DLGAP2: variants seen among roughly 807,000 people sequenced by gnomAD.
DLGAP2 encodes the protein disks large-associated protein 2.
In DLGAP2, 26 loss-of-function variants were observed where a neutral mutation model predicts 100.3. The ratio of observed to expected loss-of-function variants is 0.26; its 90% CI spans 0.19 to 0.36. DLGAP2 has a LOEUF of 0.36. Ranked by LOEUF, DLGAP2 falls within the 10% of genes least tolerant of loss-of-function variation. DLGAP2 has a pLI of 1.00. For synonymous variants in DLGAP2, 886 were observed against 630.1 expected (o/e 1.41, Z -6.08); for missense variants, 1,858 against 1,453.2 (o/e 1.28, Z -4.53).
chr8:784,634 G>A (rs758644103), intron 1 of DLGAP2, among the ~76,000 whole-genome samples: 6 of 152,308 alleles, frequency 3.9e-5, no homozygotes, highest in Non-Finnish European at 5.9e-5. Context: ...AATGTCAAAT[G>A]TACCCTATCA....
intron 1 of DLGAP2, among the ~76,000 whole-genome samples, chr8:813,305 G>GTT (rs1796405726): frequency 6.6e-6 from 1 of 151,814 alleles, no homozygotes. Flanking sequence ...GGGATTGTTA[G>GTT]TTACAGTATT....
chr8:1,525,351 T>C (rs1440412226), intron 4 of DLGAP2, among the ~76,000 whole-genome samples: 2 of 152,198 alleles, frequency 1.3e-5, no homozygotes, highest in African/African-American at 2.4e-5. Flanking sequence ...GCTTTTTATT[T>C]TAGTTGGATT....
chr8:832,904 T>A (rs1453981136), intron 1 of DLGAP2, among the ~76,000 whole-genome samples: 1 of 152,142 alleles, frequency 6.6e-6, no homozygotes, highest in African/African-American at 2.4e-5. Flanking sequence ...CTCTTCCTCT[T>A]GGGAGTCAGT....
chr8:983,869 G>T (rs1800412613), intron 2 of DLGAP2, among the ~76,000 whole-genome samples: 1 of 152,090 alleles, frequency 6.6e-6, no homozygotes, highest in African/African-American at 2.4e-5. Context: ...TGAACTCCTA[G>T]GCTCAAGTGA....
intron 1 of DLGAP2, among the ~76,000 whole-genome samples, chr8:851,682 A>T (rs1455969357): frequency 6.6e-6 from 1 of 152,212 alleles, no homozygotes; most frequent in Non-Finnish European, 1.5e-5. Flanking sequence ...CAAGTGCCAG[A>T]AAGCATGCAG....
intron 2 of DLGAP2, among the ~76,000 whole-genome samples, chr8:1,245,213 CATGTGA>C (rs527936477): frequency 2.6e-4 from 39 of 152,288 alleles, no homozygotes; most frequent in African/African-American, 7.9e-4. Flanking sequence ...ATAGAGTTAC[CATGTGA>C]CCATAAATCC....
intron 4 of DLGAP2, among the ~76,000 whole-genome samples, chr8:1,534,205 C>G (rs1459574883): frequency 6.6e-6 from 1 of 152,110 alleles, no homozygotes; most frequent in East Asian, 1.9e-4. Context: ...TCAAAGGAAA[C>G]TCAGGAAGAT....
chr8:845,633 T>C (rs924030675), intron 1 of DLGAP2, among the ~76,000 whole-genome samples: 3 of 152,238 alleles, frequency 2.0e-5, no homozygotes, highest in African/African-American at 7.2e-5. Context: ...CTTTTCTTGA[T>C]GGTGTTCTTT....
chr8:1,497,748 C>T (rs1260891938), intron 3 of DLGAP2, among the ~76,000 whole-genome samples: 6 of 152,178 alleles, frequency 3.9e-5, no homozygotes, highest in Non-Finnish European at 5.9e-5. Context: ...GGTAGAAGTA[C>T]GGTAGTCCCC....
At chr8:897,597 G>A (rs577077132) in intron 1 of DLGAP2, among the ~76,000 whole-genome samples, 2 of 152,286 alleles carry the variant, frequency 1.3e-5, no homozygotes, top group African/African-American at 4.8e-5. Context: ...CGAGCGCGAA[G>A]GGCTGCGTCT....
chr8:1,321,421 G>T (rs1380877001), intron 3 of DLGAP2, among the ~76,000 whole-genome samples: 1 of 152,172 alleles, frequency 6.6e-6, no homozygotes. Context: ...CCATGTGTCT[G>T]TGTGTGCTTG....
At chr8:1,235,119 GCGTCGTGTC>G (rs1563269972) in intron 2 of DLGAP2, among the ~76,000 whole-genome samples, 38 of 29,808 alleles carry the variant, frequency 1.3e-3, no homozygotes, top group African/African-American at 2.8e-3. Flanking sequence ...CTCACACATG[GCGTCGTGTC>G]TGCTTCCCTC....
chr8:1,432,752 C>G (rs986443541), intron 3 of DLGAP2, among the ~76,000 whole-genome samples: 13 of 152,222 alleles, frequency 8.5e-5, no homozygotes, highest in African/African-American at 3.1e-4. Flanking sequence ...CCTCCATGAC[C>G]TGCCAGCATG....
At chr8:1,200,768 C>G (rs1217516562) in intron 2 of DLGAP2, among the ~76,000 whole-genome samples, 1 of 151,572 alleles carries the variant, frequency 6.6e-6, no homozygotes, top group Non-Finnish European at 1.5e-5. Context: ...ACACGGGTTC[C>G]TGACTTGCTG....
intron 3 of DLGAP2, among the ~76,000 whole-genome samples, chr8:1,364,899 G>T (rs559833415): frequency 6.6e-6 from 1 of 152,290 alleles, no homozygotes; most frequent in South Asian, 2.1e-4. Flanking sequence ...TCATGGCAGG[G>T]GGTAGTTTTA....
chr8:1,618,353 T>C (rs974015466), intron 6 of DLGAP2, among the ~76,000 whole-genome samples: 1 of 152,232 alleles, frequency 6.6e-6, no homozygotes, highest in Non-Finnish European at 1.5e-5. Context: ...GTTTTAAACA[T>C]CTCAACAGCA....
rs145558765 is a variant in DLGAP2, at chr8:1,586,676, C to T, written c.1442+20782C>T. Among the ~76,000 whole-genome samples the T allele has an allele frequency of 4.4e-3, 675 of 152,326 alleles. 20 individuals carry two copies. The highest frequency in any genetic ancestry group is 0.039 in the Admixed American group (599 of 15,308). ...GTCCCGCCTGCAGAGGTACCACGTGCGTCCTTCTGTGGCGGACTCTAGGCC... is the reference window on the plus strand; with the variant it reads ...GTCCCGCCTGCAGAGGTACCACGTGTGTCCTTCTGTGGCGGACTCTAGGCC... On this transcript the variant is annotated intron_variant, in intron 6 of 14. Transcript: ENST00000637795.
intron 2 of DLGAP2, among the ~76,000 whole-genome samples, chr8:975,231 G>C (rs1049372079): frequency 1.3e-5 from 2 of 152,144 alleles, no homozygotes; most frequent in African/African-American, 4.8e-5. Context: ...ATCTATTAAA[G>C]AAATTTAACA....
intron 1 of DLGAP2, among the ~76,000 whole-genome samples, chr8:856,728 A>C (rs1314319693): frequency 2.0e-5 from 3 of 152,250 alleles, no homozygotes; most frequent in African/African-American, 7.2e-5. Flanking sequence ...AAATGAAAGG[A>C]GATCTAAGTA....
Sources: allele counts gnomAD v4.1 joint callset (sites outside exome capture counted in the v4.1 genomes callset), GRCh38; gene constraint gnomAD v4.1.1; transcripts MANE v1.5; gene names NCBI Gene and HGNC (gene_info 2026-07-23, HGNC 2026-07-21).